Variants in TTC34 observed in about 807,000 individuals in gnomAD.
The protein encoded by TTC34 is tetratricopeptide repeat protein 34.
In TTC34, 44 loss-of-function variants were observed where a neutral mutation model predicts 40.7. The ratio of observed to expected loss-of-function variants is 1.08; its 90% CI spans 0.85 to 1.39. The LOEUF is 1.39. TTC34 is among the 40% of genes most tolerant of loss of function. The probability of loss-of-function intolerance (pLI) is 0.00; values close to 1 mark genes in which losing one functional copy is unlikely to be tolerated. For synonymous variants in TTC34, 422 were observed against 398.6 expected (o/e 1.06, Z -0.70); for missense variants, 884 against 838.0 (o/e 1.05, Z -0.68).
At chr1:2,779,600 G>A (rs960529940) in intron 6 of TTC34, among the ~76,000 whole-genome samples, 2 of 152,212 alleles carry the variant, frequency 1.3e-5, no homozygotes, top group African/African-American at 4.8e-5. Context: ...TGGGATTACA[G>A]GCGTGAGCCA....
intron 6 of TTC34, among the ~76,000 whole-genome samples, chr1:2,688,023 GACTGCATGTAACAGCACCCA>G (rs1640445117): frequency 2.2e-5 from 3 of 137,026 alleles, no homozygotes; most frequent in African/African-American, 8.9e-5. Context: ...GCGAGCATCT[GACTGCATGTAACAGCACCCA>G]CACCCCCAGG....
chr1:2,798,095 TCCAAGCCTCTGAGCCCCTCAGCTC>T (rs1643728453), intron 2 of TTC34, among the ~76,000 whole-genome samples: 1 of 88,880 alleles, frequency 1.1e-5, no homozygotes, highest in Non-Finnish European at 2.3e-5. Context: ...CTCCCCAGCC[TCCAAGCCTCTGAGCCCCTCAGCTC>T]CCCAGCCCCC....
At chr1:2,750,884 A>AAC (rs1641297296) in intron 6 of TTC34, among the ~76,000 whole-genome samples, 1 of 21,092 alleles carries the variant, frequency 4.7e-5, no homozygotes, top group African/African-American at 2.3e-4. Context: ...GCAGCACCCA[A>AAC]ACCCCCAGGC....
At position 2,684,941 on chromosome 1, in the gene TTC34, T is replaced by C. The variant is rs544610813; in HGVS notation, c.2227-39378A>G. 2.5e-3 allele frequency among the ~76,000 whole-genome samples: 345 copies of C among 137,208 alleles called. 19 individuals carry two copies. The highest frequency in any genetic ancestry group is 2.8e-3 in the Non-Finnish European group (182 of 65,572). The allele number at this position is 137,208 out of a possible 152,430, so 90.0% of individuals were successfully genotyped here. On this transcript the variant is annotated intron_variant, in intron 6 of 8. Transcript: ENST00000401095. ...ACACCCAGGTGAGCATCCGACAGCC[T>C]GGAGCACCACCCACACCCCCAGACG...
chr1:2,753,363 A>G (rs1349426275), intron 6 of TTC34, among the ~76,000 whole-genome samples: 13 of 102,122 alleles, frequency 1.3e-4, no homozygotes, highest in South Asian at 3.8e-4. Flanking sequence ...ACAGCCTAGA[A>G]CAGCACCCAC....
chr1:2,761,331 T>A (rs1343354923), intron 6 of TTC34, among the ~76,000 whole-genome samples: 2 of 71,784 alleles, frequency 2.8e-5, no homozygotes, highest in Non-Finnish European at 4.9e-5. Flanking sequence ...CAACCCCAGG[T>A]GAGTATCTGA....
At chr1:2,780,780 C>A (rs1248697550) in intron 6 of TTC34, among the ~76,000 whole-genome samples, 1 of 152,140 alleles carries the variant, frequency 6.6e-6, no homozygotes, top group East Asian at 1.9e-4. Flanking sequence ...TTTAGCTTTT[C>A]TACTTCTGTA....
At chr1:2,758,159 G>T (rs1641568569) in intron 6 of TTC34, among the ~76,000 whole-genome samples, 1 of 141,550 alleles carries the variant, frequency 7.1e-6, no homozygotes, top group Non-Finnish European at 1.5e-5. Flanking sequence ...CACATCCCCA[G>T]GTGAGCATCT....
At chr1:2,748,406 GT>G (rs1641216198) in intron 6 of TTC34, among the ~76,000 whole-genome samples, 16 of 117,594 alleles carry the variant, frequency 1.4e-4, no homozygotes, top group East Asian at 2.8e-4. Flanking sequence ...ACAACCCCAG[GT>G]GAGCATCTGA....
chr1:2,637,777 G>C (rs933997629), exon 9 of TTC34: 4 of 152,232 alleles, frequency 2.6e-5, no homozygotes, highest in Admixed American at 2.6e-4. Flanking sequence ...CATGGCCATG[G>C]AAGAGTCCCT....
intron 6 of TTC34, among the ~76,000 whole-genome samples, chr1:2,655,889 C>G (rs1175417754): frequency 2.0e-5 from 2 of 98,092 alleles, no homozygotes; most frequent in Non-Finnish European, 4.6e-5. Context: ...GGAGCAGTGC[C>G]CAAACCCCCA....
At chr1:2,652,425 G>T (rs1340586297) in intron 6 of TTC34, among the ~76,000 whole-genome samples, 1 of 150,834 alleles carries the variant, frequency 6.6e-6, no homozygotes, top group African/African-American at 2.5e-5. Flanking sequence ...GCATCTGACA[G>T]CCTGGAACAG....
At chr1:2,768,297 T>C (rs529773874) in intron 6 of TTC34, among the ~76,000 whole-genome samples, 53 of 152,278 alleles carry the variant, frequency 3.5e-4, no homozygotes, top group Middle Eastern at 3.4e-3. Flanking sequence ...TGTAGGTTTT[T>C]GGATGTTCGC....
chr1:2,683,840 G>A (rs185935126), intron 6 of TTC34, among the ~76,000 whole-genome samples: 46 of 142,538 alleles, frequency 3.2e-4, no homozygotes, highest in African/African-American at 1.2e-3. Flanking sequence ...ACACCCCCAG[G>A]TGAACATCCG....
chr1:2,790,399 G>T (rs895544718), intron 2 of TTC34, 53 bp from the exon 3 acceptor site: 267 of 398,216 alleles, frequency 6.7e-4, no homozygotes, highest in Non-Finnish European at 7.7e-4. Flanking sequence ...ACTCCCCGGG[G>T]GTGCCACCTG....
intron 2 of TTC34, among the ~76,000 whole-genome samples, chr1:2,794,292 C>T (rs1221806776): frequency 6.6e-6 from 1 of 152,172 alleles, no homozygotes; most frequent in African/African-American, 2.4e-5. Flanking sequence ...CAGGCATGAG[C>T]CACTGAGGCA....
chr1:2,675,077 A>G (rs1639849774), intron 6 of TTC34, among the ~76,000 whole-genome samples: 1 of 121,216 alleles, frequency 8.2e-6, no homozygotes, highest in Non-Finnish European at 1.9e-5. Flanking sequence ...AGCAGTGCCC[A>G]CACACCCAGG....
At chr1:2,749,045 C>G (rs1569684746) in intron 6 of TTC34, among the ~76,000 whole-genome samples, 10 of 121,368 alleles carry the variant, frequency 8.2e-5, no homozygotes, top group Middle Eastern at 4.1e-3. Context: ...CCCACACCCC[C>G]AGGTGAGAAT....
chr1:2,787,697 G>T lies in TTC34; in HGVS notation c.1638C>A (p.Cys546Ter). 7 of 1,543,394 alleles carry T rather than the reference G, an allele frequency of 4.5e-6. No homozygotes were observed. The highest frequency in any genetic ancestry group is 5.3e-6 in the Non-Finnish European group (6 of 1,142,174). Reference sequence around the variant, plus strand: ...GCAGTGTGGCCAGCTGGTGCACGCCGCAGGCGACCCTGTGTGGAGATCAGC... The same window carrying T: ...GCAGTGTGGCCAGCTGGTGCACGCCTCAGGCGACCCTGTGTGGAGATCAGC... The change falls in exon 4 of 9, where the codon TGC becomes TGA. Residue 546 changes from cysteine to a stop codon, truncating the protein, a stop_gained. Coordinates refer to ENST00000401095, the Ensembl canonical transcript of TTC34. LOFTEE classifies it high-confidence loss of function.
Sources: allele counts gnomAD v4.1 joint callset (sites outside exome capture counted in the v4.1 genomes callset), GRCh38; gene constraint gnomAD v4.1.1; transcripts MANE v1.5; gene names NCBI Gene and HGNC (gene_info 2026-07-23, HGNC 2026-07-21).